BAIAP2: variants seen among roughly 807,000 people sequenced by gnomAD.
BAIAP2 encodes the protein BAR/IMD domain containing adaptor protein 2.
Under a neutral mutation model 63.0 loss-of-function variants are expected in BAIAP2, and 18 were observed. The observed-to-expected ratio is 0.29, with a 90% CI of 0.20 to 0.42. The LOEUF is 0.42. Ranked by LOEUF, BAIAP2 falls within the 10% of genes least tolerant of loss-of-function variation. The pLI is 1.00. For synonymous variants in BAIAP2, 386 were observed against 307.6 expected, an observed-to-expected ratio of 1.25 and a Z score of -2.67; for missense variants, 610 against 734.3, an observed-to-expected ratio of 0.83 and a Z score of 1.96.
At chr17:81,049,639 C>T (rs1021904776) in intron 1 of BAIAP2, among the ~76,000 whole-genome samples, 21 of 152,216 alleles carry the variant, frequency 1.4e-4, no homozygotes, top group Non-Finnish European at 2.5e-4. Context: ...CTCAGTGACT[C>T]GGAAAAGCCA....
chr17:81,063,140 G>GT (rs2050880138), intron 3 of BAIAP2, among the ~76,000 whole-genome samples: 1 of 152,110 alleles, frequency 6.6e-6, no homozygotes, highest in African/African-American at 2.4e-5. Flanking sequence ...GGCAAAGGGT[G>GT]TGTCCAAAGG....
rs906476811 is a variant in BAIAP2 at position 81,116,024 on chromosome 17, G to C, written c.*185G>C. The C allele has an allele frequency of 2.1e-5, 31 of 1,459,062 alleles. 1 individual carries two copies. The highest frequency in any genetic ancestry group is 2.3e-5 in the Non-Finnish European group (26 of 1,108,586). 90.4% of individuals were successfully genotyped at this position (1,459,062 alleles called of 1,614,324 possible). ...TAGGCAGGGCCGGGCAGAGTGGGGCGCAGGCCCCTGAAGGGCGAGACCCAG... is the reference window on the plus strand; with the variant it reads ...TAGGCAGGGCCGGGCAGAGTGGGGCCCAGGCCCCTGAAGGGCGAGACCCAG... On this transcript the variant is annotated 3_prime_UTR_variant, in exon 14 of 14. Transcript: ENST00000428708.
Position 81,110,450 on chromosome 17 carries a change from T to A in BAIAP2, c.1535+1941T>A, listed in dbSNP as rs3935191. ...TTTTCCTGTTTCCTTTCCTTTTTTT[T>A]AAAAAATCTGAATTGTGCCCTGTAC... On this transcript the variant is annotated intron_variant, in intron 13 of 13. Coordinates refer to ENST00000428708, the MANE Select transcript of BAIAP2 (RefSeq NM_001144888.2). 14,017 of 995,948 alleles carry A rather than the reference T, an allele frequency of 0.014. 110 individuals carry two copies. The highest frequency in any genetic ancestry group is 0.04 in the South Asian group (858 of 21,496). The allele number at this position is 995,948 out of a possible 1,614,324, so 61.7% of individuals were successfully genotyped here. A position where few individuals can be genotyped will look rare whatever the true frequency, so the allele number is the denominator to read the frequency against.
chr17:81,078,148 C>T lies in BAIAP2; in HGVS notation c.218-6684C>T, dbSNP rs189751188. ...GGCACTGTGGGTGCAGGTGCCATCTCGGAGCTGGATGCTGTGGGTGCGGGT... is the reference window on the plus strand; with the variant it reads ...GGCACTGTGGGTGCAGGTGCCATCTTGGAGCTGGATGCTGTGGGTGCGGGT... On this transcript the variant is annotated intron_variant, in intron 3 of 13. Coordinates refer to ENST00000428708, the MANE Select transcript of BAIAP2 (RefSeq NM_001144888.2). Among the ~76,000 whole-genome samples the T allele has an allele frequency of 8.3e-5, 12 of 145,348 alleles. No individual in the cohort carries two copies. The East Asian group carries it at 1.7e-3, about 20-fold the overall frequency.
At chr17:81,114,057 T>G (rs2060224915) in intron 13 of BAIAP2, among the ~76,000 whole-genome samples, 1 of 147,548 alleles carries the variant, frequency 6.8e-6, no homozygotes. Flanking sequence ...CTCGCCCTCC[T>G]GGGTTCAAGC....
chr17:81,057,916 C>A lies in BAIAP2; in HGVS notation c.166C>A (p.Leu56Met). ...TYAAKGYFDA[L>M]VKMGELASES... ...TGCAGCCAAAGGCTACTTTGACGCC[C>A]TGGTGAAGATGGGGGAGCTGGCCAG... The change falls in exon 3 of 14, where the codon CTG (leucine) becomes ATG (methionine). Residue 56 changes from leucine (L) to methionine (M), a missense_variant. Physicochemically the swap from Leu to Met is conservative, Grantham distance 15 (BLOSUM62 2). Coordinates refer to ENST00000428708, the MANE Select transcript of BAIAP2 (RefSeq NM_001144888.2). 3 of 1,598,634 alleles carry A rather than the reference C, an allele frequency of 1.9e-6. No individual in the cohort carries two copies. The highest frequency in any genetic ancestry group is 2.2e-5 in the South Asian group (2 of 90,386).
rs1412594125 is a variant in BAIAP2 at position 81,106,885 on chromosome 17, TGGCCGTGCCCGCCTTCTCCCA to T, written c.1481_1500+1del. ...GGCTTCAAGCAGAGGCCCTACAGTGTGGCCGTGCCCGCCTTCTCCCAGGTCAGTGGGCGGGGCCGGGGCTGG... is the reference window on the plus strand; with the variant it reads ...GGCTTCAAGCAGAGGCCCTACAGTGTGGTCAGTGGGCGGGGCCGGGGCTGG... On this transcript the variant is annotated inframe_deletion and splice_region_variant, in exon 12 of 14. Coordinates refer to ENST00000428708, the MANE Select transcript of BAIAP2 (RefSeq NM_001144888.2). The T allele has an allele frequency of 3.8e-6, 6 of 1,579,474 alleles. No individual in the cohort carries two copies. The highest frequency in any genetic ancestry group is 4.3e-6 in the Non-Finnish European group (5 of 1,163,032).
chr17:81,047,760 A>G (rs2048039543), intron 1 of BAIAP2, among the ~76,000 whole-genome samples: 1 of 151,910 alleles, frequency 6.6e-6, no homozygotes, highest in Non-Finnish European at 1.5e-5. Context: ...CATGCAGCTC[A>G]TGCCCACAGC....
intron 6 of BAIAP2, among the ~76,000 whole-genome samples, chr17:81,091,539 G>A (rs2056769902): frequency 6.6e-6 from 1 of 152,182 alleles, no homozygotes; most frequent in Non-Finnish European, 1.5e-5. Context: ...TGTCTCCAGT[G>A]TATGCCCTGT....
chr17:81,098,979 TCC>T (rs2058096206), intron 6 of BAIAP2, among the ~76,000 whole-genome samples: 1 of 13,116 alleles, frequency 7.6e-5, no homozygotes, highest in African/African-American at 2.1e-4. Flanking sequence ...CATCCCCCCA[TCC>T]CCCCATCCCC....
chr17:81,047,572 C>T (rs953498493), intron 1 of BAIAP2, among the ~76,000 whole-genome samples: 1 of 151,878 alleles, frequency 6.6e-6, no homozygotes, highest in African/African-American at 2.4e-5. Context: ...CACATGGGTC[C>T]AGCTCATGCC....
chr17:81,059,857 C>A, intron 3 of BAIAP2, among the ~76,000 whole-genome samples: 1 of 151,566 alleles, frequency 6.6e-6, no homozygotes, highest in East Asian at 2.0e-4. Flanking sequence ...TGGGGAACTC[C>A]AGGCTCTTGT....
chr17:81,101,363 G>A (rs574228644), intron 7 of BAIAP2, among the ~76,000 whole-genome samples: 15 of 152,302 alleles, frequency 9.8e-5, no homozygotes, highest in African/African-American at 3.6e-4. Context: ...GAGCAGGCAA[G>A]GCCCAGAGGC....
Position 81,035,242 on chromosome 17 carries a change from GGGACCCA to G in BAIAP2, c.-7_-1del. 1 of 1,508,572 alleles carries G rather than the reference GGGACCCA, an allele frequency of 6.6e-7. No individual in the cohort carries two copies. The highest frequency in any genetic ancestry group is 8.9e-7 in the Non-Finnish European group (1 of 1,123,066). 93.4% of individuals were successfully genotyped at this position (1,508,572 alleles called of 1,614,324 possible). ...CCCCGCTCCGGTCTGTGGTGCAGCC[GGGACCCA>G]GGACCATGTCTCTGTCTCGCTCAGA... On this transcript the variant is annotated 5_prime_UTR_variant, in exon 1 of 14. Transcript: ENST00000428708.
chr17:81,115,484 CGCCCTGCCCT>C (rs769859338), intron 13 of BAIAP2, among the ~76,000 whole-genome samples: 6 of 145,752 alleles, frequency 4.1e-5, no homozygotes, highest in Admixed American at 2.7e-4. Context: ...CGCCCCACCC[CGCCCTGCCCT>C]GCCCAGCCCA....
At chr17:81,073,769 T>G (rs1362177122) in intron 3 of BAIAP2, among the ~76,000 whole-genome samples, 1 of 152,166 alleles carries the variant, frequency 6.6e-6, no homozygotes, top group Non-Finnish European at 1.5e-5. Context: ...GGCACAAATC[T>G]TTAAAATGTC....
chr17:81,035,774 C>T (rs1416573493), intron 1 of BAIAP2, among the ~76,000 whole-genome samples: 2 of 152,078 alleles, frequency 1.3e-5, no homozygotes, highest in Non-Finnish European at 1.5e-5. Flanking sequence ...GTCTGAAGGC[C>T]GCGGTCGGCG....
intron 3 of BAIAP2, among the ~76,000 whole-genome samples, chr17:81,074,492 GTGTC>G (rs542241033): frequency 2.1e-4 from 32 of 151,074 alleles, no homozygotes; most frequent in African/African-American, 6.6e-4. Context: ...GTGAATGCCT[GTGTC>G]TGTGCGTGCA....
At chr17:81,068,229 G>A (rs1460950805) in intron 3 of BAIAP2, among the ~76,000 whole-genome samples, 4 of 152,332 alleles carry the variant, frequency 2.6e-5, no homozygotes, top group East Asian at 1.9e-4. Flanking sequence ...GGTTTGGAGC[G>A]AGTCAGTGGC....
Sources: gnomAD v4.1 joint callset for allele counts (sites outside exome capture counted in the v4.1 genomes callset) on GRCh38, gnomAD v4.1.1 for gene constraint, MANE v1.5 for transcripts, NCBI Gene and HGNC (gene_info 2026-07-23, HGNC 2026-07-21) for gene names.